Variants in DPP6 observed in about 807,000 individuals in gnomAD.
The protein encoded by DPP6 is A-type potassium channel modulatory protein DPP6.
A neutral mutation model predicts 122.6 loss-of-function variants in DPP6; 69 were observed. That is an observed-to-expected ratio of 0.56 (90% CI 0.46 to 0.69). DPP6 has a LOEUF of 0.69. DPP6 is among the 30% of genes least tolerant of loss of function. The pLI is 0.00. For missense variants in DPP6, 928 were observed against 1,116.9 expected (o/e 0.83, Z 2.41); for synonymous variants, 418 against 433.1 (o/e 0.97, Z 0.43).
chr7:154,846,337 A>G (rs1476592442), intron 16 of DPP6, among the ~76,000 whole-genome samples: 2 of 151,994 alleles, frequency 1.3e-5, no homozygotes, highest in Admixed American at 1.3e-4. Context: ...CCCCTTGCTC[A>G]TTTCCTTTTG....
At chr7:154,120,277 C>T (rs1341060492) in intron 1 of DPP6, among the ~76,000 whole-genome samples, 1 of 150,986 alleles carries the variant, frequency 6.6e-6, no homozygotes, top group Non-Finnish European at 1.5e-5. Context: ...CAGAGTCTCG[C>T]TCTGTAGCCC....
intron 8 of DPP6, among the ~76,000 whole-genome samples, chr7:154,758,217 G>T (rs1795267441): frequency 6.6e-6 from 1 of 152,160 alleles, no homozygotes; most frequent in African/African-American, 2.4e-5. Context: ...CTCTAACAAG[G>T]CTGAGTCGGT....
At chr7:153,997,967 T>A (rs1394381867) in intron 1 of DPP6, among the ~76,000 whole-genome samples, 4 of 151,762 alleles carry the variant, frequency 2.6e-5, no homozygotes, top group Non-Finnish European at 5.9e-5. Context: ...GTCGCCCTGT[T>A]GAAGGGACAT....
chr7:154,427,170 A>G (rs1817987217), intron 1 of DPP6, among the ~76,000 whole-genome samples: 1 of 152,200 alleles, frequency 6.6e-6, no homozygotes, highest in Admixed American at 6.5e-5. Context: ...ACATAAATGC[A>G]TGGTGTCGAG....
At chr7:154,539,920 A>G (rs764486402) in intron 3 of DPP6, among the ~76,000 whole-genome samples, 3 of 152,164 alleles carry the variant, frequency 2.0e-5, no homozygotes, top group Admixed American at 2.0e-4. Context: ...TAGGAGATAT[A>G]TATGTACATG....
chr7:154,387,065 A>T lies in DPP6; in HGVS notation c.244-59149A>T, dbSNP rs565487741. ...AGCATGTGGACCTGGAAGAGAACAT[A>T]GGCAAGGGGCGAAAGAGTGTGGAAA... On this transcript the variant is annotated intron_variant, in intron 1 of 25. Coordinates refer to ENST00000377770, the MANE Select transcript of DPP6 (RefSeq NM_130797.4). 1.6e-4 allele frequency among the ~76,000 whole-genome samples: 24 copies of T among 152,306 alleles called. No individual in the cohort carries two copies. The East Asian group carries it at 4.2e-3, about 27-fold the overall frequency.
chr7:153,885,058 G>T (rs979444265), upstream of DPP6, among the ~76,000 whole-genome samples: 2 of 145,182 alleles, frequency 1.4e-5, no homozygotes, highest in Non-Finnish European at 3.0e-5. Flanking sequence ...TCCATCATGT[G>T]GTGATGGGAT....
At chr7:154,543,384 G>A (rs80269589) in intron 4 of DPP6, among the ~76,000 whole-genome samples, 171 of 152,250 alleles carry the variant, frequency 1.1e-3, no homozygotes, top group African/African-American at 4.0e-3. Context: ...TCACTGCAAG[G>A]TACCAAAGCC....
At chr7:154,360,960 T>G (rs1166771258) in intron 1 of DPP6, among the ~76,000 whole-genome samples, 2 of 152,182 alleles carry the variant, frequency 1.3e-5, no homozygotes, top group Non-Finnish European at 2.9e-5. Context: ...AGATTCTGTA[T>G]AATCAGATGC....
At chr7:154,292,791 C>T (rs1015426561) in intron 1 of DPP6, among the ~76,000 whole-genome samples, 6 of 152,126 alleles carry the variant, frequency 3.9e-5, no homozygotes, top group Admixed American at 6.5e-5. Flanking sequence ...TAGGAAATCG[C>T]GTTTCACAAA....
At chr7:154,779,002 C>T (rs1796798596) in intron 10 of DPP6, among the ~76,000 whole-genome samples, 2 of 151,232 alleles carry the variant, frequency 1.3e-5, no homozygotes, top group Admixed American at 6.6e-5. Flanking sequence ...TCCACAACCT[C>T]CACCACCAGC....
intron 3 of DPP6, among the ~76,000 whole-genome samples, chr7:154,482,002 A>C (rs887199752): frequency 1.2e-4 from 18 of 152,218 alleles, no homozygotes; most frequent in Non-Finnish European, 2.5e-4. Flanking sequence ...CTCATTTGAT[A>C]CTTAAACAGC....
chr7:154,150,607 G>A (rs993638292), intron 1 of DPP6, among the ~76,000 whole-genome samples: 4 of 152,224 alleles, frequency 2.6e-5, no homozygotes, highest in African/African-American at 9.6e-5. Flanking sequence ...TATGGTCTCA[G>A]CACGAGGGAG....
chr7:154,844,480 A>G (rs1801796842), intron 16 of DPP6, among the ~76,000 whole-genome samples: 1 of 152,234 alleles, frequency 6.6e-6, no homozygotes, highest in Admixed American at 6.5e-5. Flanking sequence ...ATTCCTAATT[A>G]GGATTCTGCT....
At chr7:154,796,998 G>A (rs192172486) in intron 12 of DPP6, among the ~76,000 whole-genome samples, 212 of 152,290 alleles carry the variant, frequency 1.4e-3, no homozygotes, top group Non-Finnish European at 2.4e-3. Context: ...GGAAGACTTA[G>A]GGAACCCTCA....
At chr7:153,898,219 G>A (rs1162539770) in intron 1 of DPP6, among the ~76,000 whole-genome samples, 2 of 152,298 alleles carry the variant, frequency 1.3e-5, no homozygotes, top group African/African-American at 2.4e-5. Context: ...TTGGGAGGTC[G>A]AGGTGGGAGA....
chr7:154,874,938 A>AT (rs1415145910), intron 19 of DPP6, among the ~76,000 whole-genome samples: 1 of 152,016 alleles, frequency 6.6e-6, no homozygotes, highest in Non-Finnish European at 1.5e-5. Context: ...AGATTAACAG[A>AT]TTTTTCTTTT....
chr7:154,594,840 C>T (rs1832997369), intron 5 of DPP6, among the ~76,000 whole-genome samples: 1 of 152,108 alleles, frequency 6.6e-6, no homozygotes, highest in Non-Finnish European at 1.5e-5. Flanking sequence ...CCAGATCCTG[C>T]CTGGATGTCA....
At chr7:154,008,819 G>C (rs1466716598) in intron 1 of DPP6, among the ~76,000 whole-genome samples, 7 of 151,448 alleles carry the variant, frequency 4.6e-5, no homozygotes, top group Admixed American at 3.9e-4. Context: ...CCGCCACTAC[G>C]CCCGGCTAAT....
Sources: allele counts gnomAD v4.1 joint callset (sites outside exome capture counted in the v4.1 genomes callset), GRCh38; gene constraint gnomAD v4.1.1; transcripts MANE v1.5; gene names NCBI Gene and HGNC (gene_info 2026-07-23, HGNC 2026-07-21).